Variants in WNT10B observed in about 807,000 individuals in gnomAD.
WNT10B encodes protein Wnt-10b.
Under a neutral mutation model 32.7 loss-of-function variants are expected in WNT10B, and 26 were observed. The ratio of observed to expected loss-of-function variants is 0.79; its 90% CI spans 0.58 to 1.10. The LOEUF (loss-of-function observed/expected upper bound fraction) is 1.10. Ranked by LOEUF, WNT10B falls within the 50% of genes least tolerant of loss-of-function variation. The pLI is 0.00. For synonymous variants in WNT10B, 204 were observed against 220.4 expected, an observed-to-expected ratio of 0.93 and a Z score of 0.66; for missense variants, 474 against 532.5, an observed-to-expected ratio of 0.89 and a Z score of 1.08.
chr12:48,970,170 G>C lies in WNT10B; in HGVS notation c.256C>G (p.Gln86Glu). 1 of 1,557,990 alleles carries C rather than the reference G, an allele frequency of 6.4e-7. No homozygotes were observed. Among genetic ancestry groups the C allele is most frequent in the Non-Finnish European group, 8.7e-7 (1 of 1,153,732 alleles). Residue 86 changes from glutamine (Q) to glutamate (E), a missense_variant, in exon 3 of 5, where the codon CAG (glutamine) becomes GAG (glutamate). By Grantham distance (29) the Gln-to-Glu change is conservative (BLOSUM62 2). Coordinates refer to ENST00000301061, the MANE Select transcript of WNT10B (RefSeq NM_003394.4). The surrounding 1 kb of genome is among the most constrained non-coding windows in gnomAD (Gnocchi z 5.0). Reference protein sequence around the residue: ...LHIAVHECQHQLRDQRWNCSA... With the variant: ...LHIAVHECQHELRDQRWNCSA... The stretch of plus-strand genomic sequence containing the variant: ...CAGTTCCAGCGCTGGTCGCGCAGCT[G>C]GTGCTGACACTCGTGGACCGCGATG...
chr12:48,967,841 G>T, intron 4 of WNT10B, 105 bp downstream of exon 4: 1 of 1,469,256 alleles, frequency 6.8e-7, no homozygotes, highest in Non-Finnish European at 9.2e-7. Flanking sequence ...CTGATGGTGA[G>T]TGTCAGTCAC....
Position 48,970,108 on chromosome 12 carries a change from G to A in WNT10B, c.318C>T (p.His106=), listed in dbSNP as rs1392313928. 1.3e-6 allele frequency: 2 copies of A among 1,529,914 alleles called. No homozygotes were observed. Among genetic ancestry groups the A allele is most frequent in the Non-Finnish European group, 1.8e-6 (2 of 1,141,658 alleles). 94.8% of individuals were successfully genotyped at this position (1,529,914 alleles called of 1,614,324 possible). Residue 106 remains histidine, a synonymous_variant, in exon 3 of 5, where the codon CAC becomes CAT. Transcript: ENST00000301061. The surrounding 1 kb of genome is among the most constrained non-coding windows in gnomAD (Gnocchi z 5.0). ...ALEGGGRLPH[H]SAILKRGFRE... ...GCTCACCGCGCTTGAGGATGGCGCT[G>A]TGGTGCGGCAGGCGGCCGCCGCCCT... is the stretch of plus-strand genomic sequence containing the variant.
At position 48,970,467 on chromosome 12, in the gene WNT10B, C is replaced by G. The variant is rs750199538; in HGVS notation, c.63G>C (p.Ala21=). 1 of 1,612,972 alleles carries G rather than the reference C, an allele frequency of 6.2e-7. No homozygotes were observed. Among genetic ancestry groups the G allele is most frequent in the Admixed American group, 1.7e-5 (1 of 59,880 alleles). The change falls in exon 2 of 5, where the codon GCG becomes GCC. Residue 21 remains alanine, a synonymous_variant. Coordinates refer to ENST00000301061, the MANE Select transcript of WNT10B (RefSeq NM_003394.4). This position sits in a 1 kb window ranked among gnomAD's most constrained non-coding sequence, Gnocchi z 5.0. ...PSGLAGLLFL[A]LCSRALSNEI... ...GGGGAACTGCTCACCGACTGCACAA[C>G]GCCAGGAACAGGAGACCCGCGAGGC...
At chr12:48,969,683 AC>A (rs1940809674) in intron 3 of WNT10B, among the ~76,000 whole-genome samples, 3 of 149,818 alleles carry the variant, frequency 2.0e-5, no homozygotes, top group Admixed American at 2.0e-4. Flanking sequence ...GCGTCACCCC[AC>A]CCCCGCTGAG....
intron 4 of WNT10B, among the ~76,000 whole-genome samples, 179 bp from the exon 5 acceptor site, chr12:48,966,732 G>A (rs1320153277): frequency 6.6e-6 from 1 of 152,208 alleles, no homozygotes; most frequent in Non-Finnish European, 1.5e-5. Flanking sequence ...CTCATTTTAT[G>A]ATGGCAGAAT....
At chr12:48,968,754 G>T (rs1467803536) in intron 3 of WNT10B, among the ~76,000 whole-genome samples, 1 of 151,774 alleles carries the variant, frequency 6.6e-6, no homozygotes, top group Non-Finnish European at 1.5e-5. Flanking sequence ...GGGTGGGTGA[G>T]GTGGGAGCAG....
chr12:48,970,165 C>G lies in WNT10B; in HGVS notation c.261G>C (p.Leu87=). Residue 87 remains leucine, a synonymous_variant, in exon 3 of 5, where the codon CTG becomes CTC. Coordinates refer to ENST00000301061, the MANE Select transcript of WNT10B (RefSeq NM_003394.4). The surrounding 1 kb of genome is among the most constrained non-coding windows in gnomAD (Gnocchi z 5.0). ...HIAVHECQHQ[L]RDQRWNCSAL... ...CGGAGCAGTTCCAGCGCTGGTCGCG[C>G]AGCTGGTGCTGACACTCGTGGACCG... 1 of 1,552,710 alleles carries G rather than the reference C, an allele frequency of 6.4e-7. No homozygotes were observed. The highest frequency in any genetic ancestry group is 8.7e-7 in the Non-Finnish European group (1 of 1,151,416).
rs112765940 is a variant in WNT10B at position 48,968,017 on chromosome 12, A to G, written c.640T>C (p.Leu214=). The G allele has an allele frequency of 1.4e-4, 219 of 1,614,144 alleles. No individual in the cohort carries two copies. Among genetic ancestry groups the G allele is most frequent in the Non-Finnish European group, 1.7e-4 (206 of 1,180,052 alleles). The change falls in exon 4 of 5, where the codon TTG becomes CTG. Residue 214 remains leucine (L), a synonymous_variant. Transcript: ENST00000301061. ...DFGEKFSRDF[L]DSREAPRDIQ... is the part of the protein sequence containing the mutation. The stretch of plus-strand genomic sequence containing the variant: ...TCCCGGGGAGCTTCCCTGGAATCCA[A>G]GAAATCCCGAGAGAACTTCTCTCCA...
At position 48,970,249 on chromosome 12, in the gene WNT10B, T is replaced by C. The variant is rs746771104; in HGVS notation, c.177A>G (p.Leu59=). ...LTLSGLSKRQ[L]GLCLRNPDVT... ...CGTCGGGGTTGCGCAGGCACAGGCC[T>C]AGCTGCCGCTTGCTCAGGCCGGACA... is the stretch of plus-strand genomic sequence containing the variant. Residue 59 remains leucine (L), a synonymous_variant, in exon 3 of 5, where the codon CTA becomes CTG. Transcript: ENST00000301061. The surrounding 1 kb of genome is among the most constrained non-coding windows in gnomAD (Gnocchi z 5.0). 4.7e-5 allele frequency: 76 copies of C among 1,611,882 alleles called. No homozygotes were observed. The highest frequency in any genetic ancestry group is 6.4e-5 in the Non-Finnish European group (76 of 1,179,170).
At chr12:48,967,869 A>G in intron 4 of WNT10B, 77 bp downstream of exon 4, 1 of 1,579,036 alleles carries the variant, frequency 6.3e-7, no homozygotes. Flanking sequence ...ACTTTATCCT[A>G]TCATTTCCCT....
In WNT10B at chr12:48,965,953, C is replaced by T. The variant is rs896554764; in HGVS notation, c.*142G>A. The stretch of plus-strand genomic sequence containing the variant: ...CACATCCCAGAGTCCACCTGACCCC[C>T]ACCACCCCTAAAGCTGTTTCCAGGT... On this transcript the variant is annotated 3_prime_UTR_variant, in exon 5 of 5. Transcript: ENST00000301061. The T allele has an allele frequency of 9.7e-7, 1 of 1,028,626 alleles. No individual in the cohort carries two copies. 63.7% of individuals were successfully genotyped at this position (1,028,626 alleles called of 1,614,324 possible). A position where few individuals can be genotyped will look rare whatever the true frequency, so the allele number is the denominator to read the frequency against.
rs753716896 is a variant in WNT10B, at chr12:48,970,483, C to T, written c.47G>A (p.Gly16Asp). 1.7e-5 allele frequency: 28 copies of T among 1,611,328 alleles called. No individual in the cohort carries two copies. In the Admixed American group the frequency reaches 4.5e-4, roughly 26 times the overall value. ...ACTGCACAACGCCAGGAACAGGAGA[C>T]CCGCGAGGCCCGAGGGCGGAGGCCG... ...RPRPPPSGLAGLLFLALCSRA... is the reference protein window; with the variant it reads ...RPRPPPSGLADLLFLALCSRA... Residue 16 changes from glycine (G) to aspartate (D), a missense_variant, in exon 2 of 5, where the codon GGT becomes GAT. Transcript: ENST00000301061. This position sits in a 1 kb window ranked among gnomAD's most constrained non-coding sequence, Gnocchi z 5.0.
In WNT10B at chr12:48,970,406, C is replaced by T. The variant is rs771208070; in HGVS notation, c.74+50G>A. 1 of 1,613,878 alleles carries T rather than the reference C, an allele frequency of 6.2e-7. No individual in the cohort carries two copies. Among genetic ancestry groups the T allele is most frequent in the Non-Finnish European group, 8.5e-7 (1 of 1,179,894 alleles). ...CGGTCCAGACCCCTCCAACTCTCCC[C>T]ACCCCGGGTCGGTGTTTCTATGGCC... On this transcript the variant is annotated intron_variant, in intron 2 of 4. Transcript: ENST00000301061. This position sits in a 1 kb window ranked among gnomAD's most constrained non-coding sequence, Gnocchi z 5.0.
intron 3 of WNT10B, 75 bp from the exon 4 acceptor site, chr12:48,968,394 A>T (rs907459696): frequency 6.3e-7 from 1 of 1,587,350 alleles, no homozygotes; most frequent in African/African-American, 1.3e-5. Flanking sequence ...AAAGAAATAA[A>T]CAGCCCCCCT....
In WNT10B at chr12:48,968,917, T is replaced by G. The variant is rs558057636; in HGVS notation, c.338-598A>C. 7.9e-5 allele frequency among the ~76,000 whole-genome samples: 12 copies of G among 152,246 alleles called. 1 individual carries two copies. The East Asian group carries it at 2.3e-3, about 29-fold the overall frequency. ...CCGCTTCCCAAGATGTAGTTTTATA[T>G]TTGCCCTTCAAGACTGCCCTTTTTA... On this transcript the variant is annotated intron_variant, in intron 3 of 4. Coordinates refer to ENST00000301061, the MANE Select transcript of WNT10B (RefSeq NM_003394.4).
Sources: allele counts gnomAD v4.1 joint callset (sites outside exome capture counted in the v4.1 genomes callset), GRCh38; gene constraint gnomAD v4.1.1; non-coding constraint Gnocchi (gnomAD v3.1); transcripts MANE v1.5; gene names NCBI Gene and HGNC (gene_info 2026-07-23, HGNC 2026-07-21).